The following FAM78B variants were observed in gnomAD, a reference collection of about 807,000 sequenced individuals.
The protein encoded by FAM78B is protein FAM78B.
Under a neutral mutation model 20.0 loss-of-function variants are expected in FAM78B, and 10 were observed. The ratio of observed to expected loss-of-function variants is 0.50; its 90% confidence interval spans 0.31 to 0.85. FAM78B has a LOEUF of 0.85. Ranked by LOEUF, FAM78B falls within the 40% of genes least tolerant of loss-of-function variation. The pLI is 0.05. For missense variants in FAM78B, 283 were observed against 345.0 expected, an observed-to-expected ratio of 0.82 and a Z score of 1.42; for synonymous variants, 135 against 132.8, an observed-to-expected ratio of 1.02 and a Z score of -0.12.
At chr1:166,122,577 G>T (rs994795860) in intron 1 of FAM78B, among the ~76,000 whole-genome samples, 1 of 152,184 alleles carries the variant, frequency 6.6e-6, no homozygotes, top group African/African-American at 2.4e-5. Flanking sequence ...AATGCTTAAA[G>T]AAATCTTTCC....
intron 1 of FAM78B, among the ~76,000 whole-genome samples, chr1:166,155,183 G>A (rs1211770963): frequency 1.3e-5 from 2 of 152,182 alleles, no homozygotes; most frequent in Non-Finnish European, 1.5e-5. Flanking sequence ...CAGCAAGGAC[G>A]AAAGCAAACA....
downstream of FAM78B, among the ~76,000 whole-genome samples, chr1:166,065,535 C>G (rs2101944848): frequency 6.6e-6 from 1 of 151,794 alleles, no homozygotes; most frequent in South Asian, 2.1e-4. Context: ...ATGAAAAACT[C>G]TTTATAAACT....
chr1:166,140,791 A>C (rs1557914902), intron 1 of FAM78B, among the ~76,000 whole-genome samples: 1 of 152,338 alleles, frequency 6.6e-6, no homozygotes, highest in South Asian at 2.1e-4. Flanking sequence ...CTGGTCTACC[A>C]TTGATCTGTA....
At chr1:166,151,384 A>C (rs577268504) in intron 1 of FAM78B, among the ~76,000 whole-genome samples, 2 of 152,348 alleles carry the variant, frequency 1.3e-5, no homozygotes, top group South Asian at 4.1e-4. Flanking sequence ...GTATAATTCT[A>C]GATTCTAATT....
chr1:166,164,793 G>A (rs1656296179), intron 1 of FAM78B: 1 of 152,164 alleles, frequency 6.6e-6, no homozygotes, highest in Non-Finnish European at 1.5e-5. Flanking sequence ...GACGAACCTT[G>A]GGAGCTCTAG....
At chr1:166,106,071 A>C (rs895774271) in intron 1 of FAM78B, among the ~76,000 whole-genome samples, 8 of 151,826 alleles carry the variant, frequency 5.3e-5, no homozygotes, top group African/African-American at 1.9e-4. Flanking sequence ...ATGGGTGAAG[A>C]TGGAAACCAT....
At chr1:166,108,932 A>G (rs2101754742) in intron 1 of FAM78B, among the ~76,000 whole-genome samples, 1 of 152,336 alleles carries the variant, frequency 6.6e-6, no homozygotes, top group South Asian at 2.1e-4. Context: ...TTGTCAACAA[A>G]TGGTGCTGAG....
chr1:166,138,523 T>C (rs1285605257), intron 1 of FAM78B, among the ~76,000 whole-genome samples: 1 of 152,254 alleles, frequency 6.6e-6, no homozygotes, highest in East Asian at 1.9e-4. Flanking sequence ...GAGGTCATGA[T>C]TTGGCTTAGT....
chr1:166,114,513 T>G (rs1654185365), intron 1 of FAM78B, among the ~76,000 whole-genome samples: 1 of 152,102 alleles, frequency 6.6e-6, no homozygotes, highest in Non-Finnish European at 1.5e-5. Flanking sequence ...AGAGACAAAT[T>G]CTCCAGAACC....
intron 1 of FAM78B, among the ~76,000 whole-genome samples, chr1:166,152,914 GATCT>G (rs1655739262): frequency 6.6e-6 from 1 of 152,106 alleles, no homozygotes; most frequent in Admixed American, 6.5e-5. Flanking sequence ...TTGACCTCAT[GATCT>G]GCCTGCCTTG....
intron 1 of FAM78B, among the ~76,000 whole-genome samples, chr1:166,133,794 C>G (rs563035605): frequency 3.3e-5 from 5 of 152,276 alleles, no homozygotes; most frequent in Middle Eastern, 3.4e-3. Flanking sequence ...GATGGCCACT[C>G]GCGAGGTGCT....
chr1:166,081,423 T>G (rs1467627143), intron 1 of FAM78B, among the ~76,000 whole-genome samples: 1 of 152,172 alleles, frequency 6.6e-6, no homozygotes, highest in Non-Finnish European at 1.5e-5. Context: ...TTGGCCAGTT[T>G]TCTAGGTCAC....
downstream of FAM78B, among the ~76,000 whole-genome samples, chr1:166,065,538 T>A (rs1005633994): frequency 5.9e-5 from 9 of 152,164 alleles, no homozygotes; most frequent in Non-Finnish European, 1.2e-4. Flanking sequence ...AAAAACTCTT[T>A]ATAAACTGTA....
intron 1 of FAM78B, among the ~76,000 whole-genome samples, chr1:166,125,586 G>C (rs1557909322): frequency 6.6e-6 from 1 of 152,086 alleles, no homozygotes. Flanking sequence ...AAATACAATT[G>C]TTCCTCTCTG....
chr1:166,080,139 C>T (rs767545249), intron 1 of FAM78B, among the ~76,000 whole-genome samples: 10 of 152,182 alleles, frequency 6.6e-5, no homozygotes, highest in Non-Finnish European at 1.3e-4. Context: ...CACATGCTTT[C>T]TCATGATGCC....
Position 166,166,338 on chromosome 1 carries a change from C to G in FAM78B, c.-90G>C, listed in dbSNP as rs1246236274. On this transcript the variant is annotated 5_prime_UTR_variant, in exon 1 of 2. Transcript: ENST00000354422. ...GGCGCCCGTCACGCCGGCATGGCGACGCGCCGCTCGCTCCCGGTCAGACTC... is the reference window on the plus strand; with the variant it reads ...GGCGCCCGTCACGCCGGCATGGCGAGGCGCCGCTCGCTCCCGGTCAGACTC... The G allele has an allele frequency of 9.7e-7, 1 of 1,025,910 alleles. No homozygotes were observed. The highest frequency in any genetic ancestry group is 8.1e-5 in the East Asian group (1 of 12,284). 63.6% of individuals were successfully genotyped at this position (1,025,910 alleles called of 1,614,324 possible).
intron 1 of FAM78B, among the ~76,000 whole-genome samples, chr1:166,159,752 C>G (rs78522401): frequency 0.014 from 2,191 of 152,302 alleles, 39 homozygotes; most frequent in African/African-American, 0.05. Flanking sequence ...GTTTCTCCCC[C>G]TCTACATCTT....
intron 1 of FAM78B, among the ~76,000 whole-genome samples, chr1:166,095,166 G>T (rs1210345819): frequency 6.6e-6 from 1 of 152,128 alleles, no homozygotes; most frequent in Admixed American, 6.5e-5. Flanking sequence ...TCAGAGGCTT[G>T]GAAGGTCCGT....
chr1:166,083,607 T>C (rs1373469093), intron 1 of FAM78B, among the ~76,000 whole-genome samples: 1 of 152,162 alleles, frequency 6.6e-6, no homozygotes, highest in Non-Finnish European at 1.5e-5. Flanking sequence ...TGGGTTCAAG[T>C]GCTTCTCCTG....
Sources: gnomAD v4.1 joint callset for allele counts (sites outside exome capture counted in the v4.1 genomes callset) on GRCh38, gnomAD v4.1.1 for gene constraint, MANE v1.5 for transcripts, NCBI Gene and HGNC (gene_info 2026-07-23, HGNC 2026-07-21) for gene names.